Variants in ERBIN observed in about 807,000 individuals in gnomAD.
ERBIN encodes the protein densin-180-like protein.
Under a neutral mutation model 158.4 loss-of-function variants are expected in ERBIN, and 60 were observed. The ratio of observed to expected loss-of-function variants is 0.38; its 90% CI spans 0.31 to 0.47. The LOEUF (loss-of-function observed/expected upper bound fraction) is 0.47, where lower values mean the gene tolerates loss of function less well. Among genes scored for constraint, ERBIN ranks in the 20% least tolerant of loss-of-function variants. The pLI, the probability that ERBIN is intolerant of heterozygous loss-of-function variation, is 0.99. For synonymous variants in ERBIN, 594 were observed against 557.2 expected (o/e 1.07, Z -0.93); for missense variants, 1,610 against 1,648.0 (o/e 0.98, Z 0.40).
chr5:65,977,486 G>A (rs1263799234), intron 1 of ERBIN, among the ~76,000 whole-genome samples: 1 of 151,292 alleles, frequency 6.6e-6, no homozygotes, highest in African/African-American at 2.4e-5. Flanking sequence ...CAGACGGGGC[G>A]GCCGGGCAGA....
chr5:66,059,076 A>C (rs1173703030), intron 21 of ERBIN, among the ~76,000 whole-genome samples: 1 of 152,032 alleles, frequency 6.6e-6, no homozygotes, highest in Non-Finnish European at 1.5e-5. Flanking sequence ...CTGTGAAGAG[A>C]GTCATTGGTA....
At chr5:66,017,305 C>T (rs995278281) in intron 7 of ERBIN, among the ~76,000 whole-genome samples, 3 of 151,992 alleles carry the variant, frequency 2.0e-5, no homozygotes, top group African/African-American at 7.3e-5. Flanking sequence ...AATTTATATT[C>T]CCACCAACAG....
At position 66,053,978 on chromosome 5, in the gene ERBIN, T is replaced by G. The variant is rs1759317282; in HGVS notation, c.2660T>G (p.Leu887Arg). Residue 887 changes from leucine (L) to arginine (R), a missense_variant, in exon 21 of 26, where the codon CTT becomes CGT. Around this residue, in one of 2 missense-constraint regions of ERBIN, gnomAD observed 1,014 missense variants for 936.1 expected, o/e 1.08. Coordinates refer to ENST00000284037, the MANE Select transcript of ERBIN (RefSeq NM_001253697.2). ...EIGGLKIYDILSDNGPQQPST... is the reference protein window; with the variant it reads ...EIGGLKIYDIRSDNGPQQPST... ...GGAGGGCTAAAAATCTATGATATTCTTAGTGATAATGGACCTCAGCAGCCA... is the reference window on the plus strand; with the variant it reads ...GGAGGGCTAAAAATCTATGATATTCGTAGTGATAATGGACCTCAGCAGCCA... The G allele has an allele frequency of 6.2e-7, 1 of 1,614,130 alleles. No homozygotes were observed. The highest frequency in any genetic ancestry group is 1.3e-5 in the African/African-American group (1 of 75,040).
At position 66,072,206 on chromosome 5, in the gene ERBIN, A is replaced by G. The variant is rs1396094496; in HGVS notation, c.3671A>G (p.Gln1224Arg). 1.3e-6 allele frequency: 2 copies of G among 1,550,428 alleles called. No homozygotes were observed. The highest frequency in any genetic ancestry group is 2.4e-5 in the East Asian group (1 of 40,842). The change falls in exon 22 of 26, where the codon CAA (glutamine) becomes CGA (arginine). Residue 1224 changes from glutamine to arginine, a missense_variant. Physicochemically the swap from Gln to Arg is conservative, Grantham distance 43. Coordinates refer to ENST00000284037, the MANE Select transcript of ERBIN (RefSeq NM_001253697.2). The part of the protein sequence containing the change: ...PQTSSSGDPC[Q>R]DGIFISGQQN... The stretch of plus-strand genomic sequence containing the variant: ...ACATCCAGTTCAGGAGATCCTTGTC[A>G]AGATGGTATATTCATTTCAGGACAG...
intron 1 of ERBIN, among the ~76,000 whole-genome samples, chr5:65,928,982 A>G (rs1743021344): frequency 6.6e-6 from 1 of 152,214 alleles, no homozygotes; most frequent in African/African-American, 2.4e-5. Context: ...ATATTGCACA[A>G]AATACACACT....
At chr5:66,048,919 TTC>T (rs893483621) in intron 19 of ERBIN, 138 bp downstream of exon 19, 1 of 538,780 alleles carries the variant, frequency 1.9e-6, no homozygotes, top group African/African-American at 2.0e-5. Context: ...TTCTGAAAGG[TTC>T]TCTTTCCTTC....
intron 14 of ERBIN, among the ~76,000 whole-genome samples, chr5:66,034,341 G>A (rs1737230305): frequency 6.6e-6 from 1 of 151,774 alleles, no homozygotes; most frequent in Non-Finnish European, 1.5e-5. Context: ...CCAGGCTGGG[G>A]TGCAGTGGCT....
At chr5:65,999,479 C>G (rs1167146856) in intron 4 of ERBIN, among the ~76,000 whole-genome samples, 1 of 152,148 alleles carries the variant, frequency 6.6e-6, no homozygotes, top group Non-Finnish European at 1.5e-5. Flanking sequence ...ACAGGGGAAT[C>G]GGAATAACCA....
chr5:66,002,544 C>T (rs1753114468), intron 4 of ERBIN, among the ~76,000 whole-genome samples: 1 of 152,116 alleles, frequency 6.6e-6, no homozygotes, highest in Non-Finnish European at 1.5e-5. Context: ...GATTACAAGG[C>T]AGAGAAACCA....
At chr5:66,013,111 A>G (rs375028130) in intron 5 of ERBIN, among the ~76,000 whole-genome samples, 2 of 152,164 alleles carry the variant, frequency 1.3e-5, no homozygotes, top group Admixed American at 6.5e-5. Context: ...TAAACATCCT[A>G]TAGTGCACAG....
rs1162131364 is a variant in ERBIN, at chr5:65,992,771, G to A, written c.53G>A (p.Arg18Gln). 5.0e-6 allele frequency: 8 copies of A among 1,613,496 alleles called. No individual in the cohort carries two copies. Among genetic ancestry groups the A allele is most frequent in the African/African-American group, 2.7e-5 (2 of 74,896 alleles). The change falls in exon 3 of 26, where the codon CGA becomes CAA. Residue 18 changes from arginine (R) to glutamine (Q), a missense_variant. Arg to Gln is a conservative substitution (Grantham distance 43). Around this residue, in one of 2 missense-constraint regions of ERBIN, gnomAD observed 596 missense variants for 711.9 expected, o/e 0.84. Transcript: ENST00000284037. ...CGGTTGGTACCATGTCGCTGTCTAC[G>A]AGGGGAAGAGGAGACTGTCACTACT... ...FVRLVPCRCL[R>Q]GEEETVTTLD...
At chr5:65,966,680 C>CAAAAAA (rs70987105) in intron 1 of ERBIN, among the ~76,000 whole-genome samples, 1 of 50,112 alleles carries the variant, frequency 2.0e-5, no homozygotes, top group Non-Finnish European at 3.5e-5. Flanking sequence ...AACTCTGTCT[C>CAAAAAA]AAAAAAAAAA....
At chr5:66,011,047 A>G (rs571708095) in intron 4 of ERBIN, among the ~76,000 whole-genome samples, 3 of 152,332 alleles carry the variant, frequency 2.0e-5, no homozygotes, top group Admixed American at 6.5e-5. Context: ...CTGGAAAAGC[A>G]CTGGTCTAGG....
chr5:66,044,238 C>T lies in ERBIN; in HGVS notation c.1530C>T (p.Thr510=). The part of the protein sequence containing the change: ...TIVHRLKDEE[T]NEDSGRDLKP... ...TACATAGATTAAAAGATGAAGAGAC[C>T]AATGAAGACTCAGGAAGAGATTTGA... Residue 510 remains threonine (T), a synonymous_variant, in exon 17 of 26, where the codon ACC becomes ACT. Coordinates refer to ENST00000284037, the MANE Select transcript of ERBIN (RefSeq NM_001253697.2). 1 of 1,611,090 alleles carries T rather than the reference C, an allele frequency of 6.2e-7. No individual in the cohort carries two copies. The highest frequency in any genetic ancestry group is 8.5e-7 in the Non-Finnish European group (1 of 1,178,740).
chr5:66,030,199 C>T (rs1274382244), intron 14 of ERBIN, among the ~76,000 whole-genome samples: 5 of 151,864 alleles, frequency 3.3e-5, no homozygotes, highest in East Asian at 1.9e-4. Flanking sequence ...CCACCACGCC[C>T]GGCTAATTTT....
At position 65,992,843 on chromosome 5, in the gene ERBIN, T is replaced by C; in HGVS notation, c.125T>C (p.Phe42Ser). Residue 42 changes from phenylalanine (F) to serine (S), a missense_variant, in exon 3 of 26, where the codon TTT (phenylalanine) becomes TCT (serine). This residue lies in a region of ERBIN where 596 missense variants were observed against 711.9 expected (regional missense o/e 0.84). Transcript: ENST00000284037. The part of the protein sequence containing the change: ...CSLEQVPKEI[F>S]TFEKTLEELY... ...TTAGAACAAGTTCCGAAAGAGATTT[T>C]TACTTTTGAAAAAACCTTGGAGGAA... The C allele has an allele frequency of 6.2e-7, 1 of 1,613,378 alleles. No individual in the cohort carries two copies.
chr5:66,067,769 T>C (rs1761139800), intron 21 of ERBIN, among the ~76,000 whole-genome samples: 1 of 152,094 alleles, frequency 6.6e-6, no homozygotes, highest in Non-Finnish European at 1.5e-5. Flanking sequence ...TTTTAAAAGT[T>C]ATACTCACCA....
intron 1 of ERBIN, among the ~76,000 whole-genome samples, chr5:65,946,706 G>T (rs144269097): frequency 2.1e-4 from 32 of 152,078 alleles, no homozygotes; most frequent in Middle Eastern, 3.4e-3. Flanking sequence ...GTTTTCCATA[G>T]TGGTTGTACT....
Position 66,024,421 on chromosome 5 carries a change from A to G in ERBIN, c.788A>G (p.Asn263Ser), listed in dbSNP as rs1200744978. The G allele has an allele frequency of 2.5e-6, 4 of 1,600,304 alleles. No homozygotes were observed. Among genetic ancestry groups the G allele is most frequent in the East Asian group, 2.3e-5 (1 of 44,424 alleles). ...ENLQDLLLSS[N>S]SLQQLPETIG... ...CTTCAAGACCTCCTATTATCAAGCA[A>G]TTCACTTCAGCAGCTTCCTGAGACT... Residue 263 changes from asparagine to serine, a missense_variant, in exon 10 of 26, where the codon AAT becomes AGT. Asn to Ser is a conservative substitution (Grantham distance 46). Coordinates refer to ENST00000284037, the MANE Select transcript of ERBIN (RefSeq NM_001253697.2).
Sources: allele counts gnomAD v4.1 joint callset (sites outside exome capture counted in the v4.1 genomes callset), GRCh38; gene constraint gnomAD v4.1.1; regional missense constraint gnomAD v4.1.1; transcripts MANE v1.5; gene names NCBI Gene and HGNC (gene_info 2026-07-23, HGNC 2026-07-21).